PBX1: variants seen among roughly 807,000 people sequenced by gnomAD.
The protein encoded by PBX1 is PBX homeobox 1, also known as pre-B-cell leukemia transcription factor 1.
Under a neutral mutation model 53.4 loss-of-function variants are expected in PBX1, and 6 were observed. The ratio of observed to expected loss-of-function variants is 0.11; its 90% confidence interval spans 0.06 to 0.22. PBX1 has a LOEUF of 0.22. Among genes scored for constraint, PBX1 ranks in the 10% least tolerant of loss-of-function variants. PBX1 has a pLI of 1.00. For synonymous variants in PBX1, 204 were observed against 212.3 expected (o/e 0.96, Z 0.34); for missense variants, 251 against 551.4 (o/e 0.46, Z 5.46).
chr1:164,703,705 T>C (rs962783100), intron 2 of PBX1, among the ~76,000 whole-genome samples: 2 of 152,188 alleles, frequency 1.3e-5, no homozygotes, highest in African/African-American at 4.8e-5. Flanking sequence ...CCATTTCTAC[T>C]GGCTGGACTC....
At chr1:164,659,816 G>A (rs1309110766) in intron 2 of PBX1, among the ~76,000 whole-genome samples, 1 of 152,290 alleles carries the variant, frequency 6.6e-6, no homozygotes, top group Non-Finnish European at 1.5e-5. Flanking sequence ...GAGGGTGGTG[G>A]CAGTGGTGGG....
chr1:164,724,670 A>AT lies in PBX1; in HGVS notation c.266-67785dup, dbSNP rs59042806. Among the ~76,000 whole-genome samples the AT allele has an allele frequency of 9.1e-4, 44 of 48,232 alleles. 10 individuals are homozygous for AT. Among genetic ancestry groups the AT allele is most frequent in the African/African-American group, 1.1e-3 (17 of 15,184 alleles). The allele number at this position is 48,232 out of a possible 152,430, so 31.6% of individuals were successfully genotyped here. A position where few individuals can be genotyped will look rare whatever the true frequency, so the allele number is the denominator to read the frequency against. On this transcript the variant is annotated intron_variant, in intron 2 of 8. Coordinates refer to ENST00000420696, the MANE Select transcript of PBX1 (RefSeq NM_002585.4). ...CAGATGCCCATTGCAATAGCTGCAGATTTTTTTTTTTTTTTTTTTTTTTTT... is the reference window on the plus strand; with the variant it reads ...CAGATGCCCATTGCAATAGCTGCAGATTTTTTTTTTTTTTTTTTTTTTTTTT...
At chr1:164,682,005 T>A (rs1273927970) in intron 2 of PBX1, 1 of 152,204 alleles carries the variant, frequency 6.6e-6, no homozygotes, top group Non-Finnish European at 1.5e-5. Flanking sequence ...GCAATCAAAA[T>A]AGCACCTTTA....
chr1:164,669,536 A>C (rs908149376), intron 2 of PBX1, among the ~76,000 whole-genome samples: 8 of 152,174 alleles, frequency 5.3e-5, no homozygotes, highest in African/African-American at 1.9e-4. Flanking sequence ...ACTTCCAGGA[A>C]GTAGTCTTAA....
intron 8 of PBX1, among the ~76,000 whole-genome samples, chr1:164,824,389 C>T (rs1023470351): frequency 3.3e-5 from 5 of 152,092 alleles, no homozygotes; most frequent in African/African-American, 7.2e-5. Flanking sequence ...GACAGTAATT[C>T]CCACCCTTTA....
chr1:164,671,302 T>A (rs1253945696), intron 2 of PBX1, among the ~76,000 whole-genome samples: 1 of 152,108 alleles, frequency 6.6e-6, no homozygotes, highest in African/African-American at 2.4e-5. Context: ...ATTAATGAAA[T>A]GAAGTAAAAA....
At chr1:164,792,427 T>C in intron 2 of PBX1, 67 bp from the exon 3 acceptor site, 3 of 1,582,616 alleles carry the variant, frequency 1.9e-6, no homozygotes, top group Admixed American at 3.7e-5. Flanking sequence ...AGAACACAAA[T>C]GTGTTGTGTT....
intron 3 of PBX1, among the ~76,000 whole-genome samples, chr1:164,798,252 G>A (rs945249553): frequency 2.0e-5 from 3 of 152,174 alleles, no homozygotes; most frequent in Non-Finnish European, 2.9e-5. Context: ...TTATTGCGTT[G>A]TCGACACATA....
intron 4 of PBX1, among the ~76,000 whole-genome samples, chr1:164,802,762 ACATTCATTCATT>A (rs139103277): frequency 4.0e-5 from 6 of 151,634 alleles, no homozygotes; most frequent in East Asian, 1.9e-4. Flanking sequence ...AAAATTCCAC[ACATTCATTCATT>A]CATTCATTCA....
At chr1:164,670,559 A>T (rs1225226548) in intron 2 of PBX1, among the ~76,000 whole-genome samples, 1 of 152,138 alleles carries the variant, frequency 6.6e-6, no homozygotes, top group Non-Finnish European at 1.5e-5. Flanking sequence ...TAGCCAGCTG[A>T]CTGAAGGCCT....
intron 2 of PBX1, among the ~76,000 whole-genome samples, chr1:164,685,610 A>G (rs1662050493): frequency 6.6e-6 from 1 of 152,226 alleles, no homozygotes; most frequent in Non-Finnish European, 1.5e-5. Context: ...GGAAGTTAGT[A>G]TTCACTGGAA....
At chr1:164,591,230 T>A (rs1399795178) in intron 2 of PBX1, among the ~76,000 whole-genome samples, 1 of 152,188 alleles carries the variant, frequency 6.6e-6, no homozygotes, top group Non-Finnish European at 1.5e-5. Flanking sequence ...CAGGATGGTC[T>A]GGAACTCCTG....
chr1:164,859,760 C>T (rs530315641), intron 2 of PBX1, among the ~76,000 whole-genome samples: 1 of 152,130 alleles, frequency 6.6e-6, no homozygotes, highest in Non-Finnish European at 1.5e-5. Flanking sequence ...CTGCTCTGTA[C>T]CCCAGGCGAA....
At chr1:164,863,946 C>A (rs945110057) in intron 2 of PBX1, among the ~76,000 whole-genome samples, 1 of 152,204 alleles carries the variant, frequency 6.6e-6, no homozygotes, top group Non-Finnish European at 1.5e-5. Context: ...ATTCATTCAT[C>A]TTCCCAGCAA....
chr1:164,795,606 A>G (rs1668739693), intron 3 of PBX1, among the ~76,000 whole-genome samples: 2 of 152,182 alleles, frequency 1.3e-5, no homozygotes, highest in African/African-American at 4.8e-5. Context: ...TAAGAAGTGA[A>G]TACTGCTTAA....
At chr1:164,593,163 G>C (rs1156375186) in intron 2 of PBX1, among the ~76,000 whole-genome samples, 1 of 152,026 alleles carries the variant, frequency 6.6e-6, no homozygotes, top group Non-Finnish European at 1.5e-5. Flanking sequence ...TCGCCATGTT[G>C]CCCAGACTGG....
intron 2 of PBX1, among the ~76,000 whole-genome samples, chr1:164,701,578 T>TA (rs1340355624): frequency 2.6e-5 from 4 of 152,216 alleles, no homozygotes; most frequent in Admixed American, 2.0e-4. Context: ...CTGTGGTACT[T>TA]ACGTCACTTA....
At chr1:164,575,834 C>A (rs925442314) in intron 2 of PBX1, among the ~76,000 whole-genome samples, 21 of 151,890 alleles carry the variant, frequency 1.4e-4, no homozygotes, top group African/African-American at 5.1e-4. Context: ...TACTAGGGTG[C>A]CTGTAATACC....
At chr1:164,752,735 A>G (rs1194118677) in intron 2 of PBX1, among the ~76,000 whole-genome samples, 3 of 152,180 alleles carry the variant, frequency 2.0e-5, no homozygotes, top group Non-Finnish European at 2.9e-5. Context: ...TGAAGGGGCA[A>G]TTTTGATGTG....
Sources: gnomAD v4.1 joint callset for allele counts (sites outside exome capture counted in the v4.1 genomes callset) on GRCh38, gnomAD v4.1.1 for gene constraint, MANE v1.5 for transcripts, NCBI Gene and HGNC (gene_info 2026-07-23, HGNC 2026-07-21) for gene names.